THSD7A: variants seen among roughly 807,000 people sequenced by gnomAD.
The protein encoded by THSD7A is thrombospondin type-1 domain-containing protein 7A.
THSD7A carries 96 observed loss-of-function variants against 231.3 expected under a neutral mutation model. That is an observed-to-expected ratio of 0.41 (90% CI 0.35 to 0.49). THSD7A has a LOEUF of 0.49. Among genes scored for constraint, THSD7A ranks in the 20% least tolerant of loss-of-function variants. The pLI is 0.05. For synonymous variants in THSD7A, 940 were observed against 743.3 expected, an observed-to-expected ratio of 1.26 and a Z score of -4.30; for missense variants, 2,290 against 2,070.2, an observed-to-expected ratio of 1.11 and a Z score of -2.06.
At chr7:11,441,852 G>C (rs955359173) in intron 13 of THSD7A, among the ~76,000 whole-genome samples, 2 of 151,914 alleles carry the variant, frequency 1.3e-5, no homozygotes, top group Non-Finnish European at 2.9e-5. Flanking sequence ...GGCTAGGGGA[G>C]GGATAGCATT....
chr7:11,672,811 A>G (rs1783452234), intron 1 of THSD7A, among the ~76,000 whole-genome samples: 1 of 152,184 alleles, frequency 6.6e-6, no homozygotes, highest in African/African-American at 2.4e-5. Flanking sequence ...TCTTTTTTTC[A>G]AAATCTATTT....
intron 4 of THSD7A, among the ~76,000 whole-genome samples, chr7:11,562,033 G>A (rs1790098789): frequency 6.6e-6 from 1 of 152,132 alleles, no homozygotes; most frequent in African/African-American, 2.4e-5. Context: ...GTCTAGTACA[G>A]GGAATAGTTT....
intron 1 of THSD7A, among the ~76,000 whole-genome samples, chr7:11,797,102 T>C (rs757867060): frequency 3.9e-5 from 6 of 152,188 alleles, no homozygotes; most frequent in Admixed American, 6.6e-5. Context: ...TTTGAAACTT[T>C]ATGCCAATCA....
intron 1 of THSD7A, among the ~76,000 whole-genome samples, chr7:11,731,030 C>T (rs1781710353): frequency 6.6e-6 from 1 of 151,382 alleles, no homozygotes; most frequent in African/African-American, 2.4e-5. Flanking sequence ...TTTTTCTTGG[C>T]CTCTCTGCAT....
At chr7:11,631,673 A>C (rs1271186565) in intron 2 of THSD7A, among the ~76,000 whole-genome samples, 6 of 152,164 alleles carry the variant, frequency 3.9e-5, no homozygotes, top group Non-Finnish European at 8.8e-5. Context: ...AAACAAACAC[A>C]AAAACAAACA....
intron 4 of THSD7A, among the ~76,000 whole-genome samples, chr7:11,589,552 C>T (rs898806531): frequency 2.6e-5 from 4 of 152,158 alleles, no homozygotes; most frequent in African/African-American, 9.7e-5. Context: ...ACTGGTTTGT[C>T]TACATGCTCT....
In THSD7A at chr7:11,474,633, T is replaced by A; in HGVS notation, c.2018-65A>T. 1 of 1,294,992 alleles carries A rather than the reference T, an allele frequency of 7.7e-7. No individual in the cohort carries two copies. The highest frequency in any genetic ancestry group is 1.1e-6 in the Non-Finnish European group (1 of 937,854). The allele number at this position is 1,294,992 out of a possible 1,614,324, so 80.2% of individuals were successfully genotyped here. A position where few individuals can be genotyped will look rare whatever the true frequency, so the allele number is the denominator to read the frequency against. ...CAACAGGAACCTTACCATACTCTGT[T>A]CTTTGGAATTAACATGGCTTAGAAA... On this transcript the variant is annotated intron_variant, in intron 7 of 27. Coordinates refer to ENST00000423059, the MANE Select transcript of THSD7A (RefSeq NM_015204.3). This position sits in a 1 kb window ranked among gnomAD's most constrained non-coding sequence, Gnocchi z 4.1.
At chr7:11,799,433 AATC>A (rs1172531481) in intron 1 of THSD7A, among the ~76,000 whole-genome samples, 1 of 152,208 alleles carries the variant, frequency 6.6e-6, no homozygotes, top group African/African-American at 2.4e-5. Context: ...TCACATTCTA[AATC>A]ATATTACTTC....
chr7:11,760,443 C>T (rs1420022501), intron 1 of THSD7A, among the ~76,000 whole-genome samples: 1 of 152,000 alleles, frequency 6.6e-6, no homozygotes, highest in African/African-American at 2.4e-5. Context: ...AATGGCTGTT[C>T]CTCATTATGT....
chr7:11,460,910 C>G, intron 10 of THSD7A, 145 bp from the exon 11 acceptor site: 1 of 624,460 alleles, frequency 1.6e-6, no homozygotes, highest in Non-Finnish European at 2.8e-6. Flanking sequence ...TAATTTAGAT[C>G]TCCATCTAGG....
At chr7:11,683,101 A>T (rs777512508) in intron 1 of THSD7A, among the ~76,000 whole-genome samples, 2 of 149,752 alleles carry the variant, frequency 1.3e-5, no homozygotes, top group South Asian at 4.2e-4. Context: ...AGCCTGAGTG[A>T]CAGAGTGAGA....
intron 1 of THSD7A, among the ~76,000 whole-genome samples, chr7:11,771,142 AAT>A (rs996029865): frequency 6.6e-6 from 1 of 151,010 alleles, no homozygotes; most frequent in African/African-American, 2.4e-5. Flanking sequence ...ATTAATATAA[AAT>A]ATGTTTATGA....
chr7:11,721,962 A>T (rs983247304), intron 1 of THSD7A, among the ~76,000 whole-genome samples: 1 of 151,774 alleles, frequency 6.6e-6, no homozygotes. Context: ...TTCCTTTAAT[A>T]CGCTCTTTCC....
chr7:11,429,155 TCTC>T (rs745744850), intron 13 of THSD7A, 30 bp from the exon 14 acceptor site: 3 of 1,531,272 alleles, frequency 2.0e-6, no homozygotes, highest in Non-Finnish European at 2.6e-6. Flanking sequence ...ACAAGAATCA[TCTC>T]CTCCACCTGT....
chr7:11,661,518 G>A (rs2128373394), intron 1 of THSD7A, among the ~76,000 whole-genome samples: 1 of 150,524 alleles, frequency 6.6e-6, no homozygotes, highest in East Asian at 2.0e-4. Context: ...CAGTTTTTAT[G>A]CAAAAAAAAG....
intron 4 of THSD7A, among the ~76,000 whole-genome samples, chr7:11,554,501 A>G (rs1414456105): frequency 2.6e-5 from 4 of 151,950 alleles, no homozygotes; most frequent in Non-Finnish European, 5.9e-5. Flanking sequence ...TTTTTTTCTG[A>G]GAGTTTATTA....
At chr7:11,779,614 T>C (rs1783557847) in intron 1 of THSD7A, among the ~76,000 whole-genome samples, 1 of 152,220 alleles carries the variant, frequency 6.6e-6, no homozygotes, top group African/African-American at 2.4e-5. Flanking sequence ...CCAAAGTGTA[T>C]TTATTCAATG....
At chr7:11,773,390 G>A (rs116327160) in intron 1 of THSD7A, among the ~76,000 whole-genome samples, 2 of 151,944 alleles carry the variant, frequency 1.3e-5, no homozygotes, top group East Asian at 3.9e-4. Flanking sequence ...AATTAGCCAG[G>A]CATGGTGGTC....
chr7:11,424,021 T>C (rs1314489473), intron 16 of THSD7A, among the ~76,000 whole-genome samples: 1 of 152,124 alleles, frequency 6.6e-6, no homozygotes, highest in African/African-American at 2.4e-5. Flanking sequence ...GTGAGGGGTA[T>C]ATGGAGTGTA....
Sources: gnomAD v4.1 joint callset for allele counts (sites outside exome capture counted in the v4.1 genomes callset) on GRCh38, gnomAD v4.1.1 for gene constraint, Gnocchi (gnomAD v3.1) non-coding constraint, MANE v1.5 for transcripts, NCBI Gene and HGNC (gene_info 2026-07-23, HGNC 2026-07-21) for gene names.